The following TRMT13 variants were observed in gnomAD, a reference collection of about 807,000 sequenced individuals.
TRMT13 encodes tRNA:m(4)X modification enzyme TRM13 homolog.
In TRMT13, 45 loss-of-function variants were observed where a neutral mutation model predicts 55.9. That is an observed-to-expected ratio of 0.80 (90% confidence interval 0.63 to 1.03). The LOEUF is 1.03. TRMT13 is among the 50% of genes least tolerant of loss of function. The pLI is 0.00. For synonymous variants in TRMT13, 183 were observed against 196.3 expected (o/e 0.93, Z 0.57); for missense variants, 513 against 563.9 (o/e 0.91, Z 0.91).
intron 9 of TRMT13, among the ~76,000 whole-genome samples, chr1:100,147,296 C>T (rs951943307): frequency 1.3e-5 from 2 of 152,192 alleles, no homozygotes; most frequent in Non-Finnish European, 2.9e-5. Flanking sequence ...GTGCTTTGCA[C>T]ATGAAAGGCA....
At chr1:100,139,373 C>T (rs1656309812) in intron 3 of TRMT13, among the ~76,000 whole-genome samples, 1 of 152,198 alleles carries the variant, frequency 6.6e-6, no homozygotes, top group African/African-American at 2.4e-5. Context: ...TTTCTTTAAA[C>T]TGTAAGTGCT....
At chr1:100,146,949 A>G (rs1460822238) in intron 9 of TRMT13, among the ~76,000 whole-genome samples, 1 of 152,202 alleles carries the variant, frequency 6.6e-6, no homozygotes, top group African/African-American at 2.4e-5. Context: ...TGGGTTTCTA[A>G]TGTTTGTTGA....
intron 8 of TRMT13, 53 bp from the exon 9 acceptor site, chr1:100,144,016 A>C: frequency 1.4e-6 from 2 of 1,457,284 alleles, no homozygotes; most frequent in Admixed American, 1.7e-5. Context: ...TTGGAAGGCC[A>C]CATTAATATG....
chr1:100,140,762 A>G, intron 6 of TRMT13, 90 bp from the exon 7 acceptor site: 1 of 1,256,392 alleles, frequency 8.0e-7, no homozygotes, highest in South Asian at 1.4e-5. Context: ...ATGTAAGCAT[A>G]CTGCCTTATG....
intron 1 of TRMT13, among the ~76,000 whole-genome samples, chr1:100,134,841 G>A (rs906186459): frequency 1.3e-5 from 2 of 152,148 alleles, no homozygotes; most frequent in Non-Finnish European, 2.9e-5. Flanking sequence ...AAGAGAGACC[G>A]CAAAACATCA....
Position 100,149,464 on chromosome 1 carries a change from C to A in TRMT13, c.*644C>A. The A allele has an allele frequency of 1.3e-6, 2 of 1,528,534 alleles. No individual in the cohort carries two copies. The highest frequency in any genetic ancestry group is 1.3e-5 in the South Asian group (1 of 78,860). The allele number at this position is 1,528,534 out of a possible 1,614,324, so 94.7% of individuals were successfully genotyped here. Reference sequence around the variant, plus strand: ...TTTTCAAAGAAAAAAGATTATTTCACTTAATTATTTTGTTGGATAATTGTC... The same window carrying A: ...TTTTCAAAGAAAAAAGATTATTTCAATTAATTATTTTGTTGGATAATTGTC... On this transcript the variant is annotated 3_prime_UTR_variant, in exon 11 of 11. Coordinates refer to ENST00000370141, the MANE Select transcript of TRMT13 (RefSeq NM_019083.3).
intron 9 of TRMT13, among the ~76,000 whole-genome samples, chr1:100,145,354 G>A (rs1016001730): frequency 3.9e-5 from 6 of 152,054 alleles, no homozygotes; most frequent in East Asian, 1.9e-4. Flanking sequence ...GTTCCATCCC[G>A]GGGGTAGGAG....
chr1:100,140,466 T>C lies in TRMT13; in HGVS notation c.453T>C (p.Leu151=). 1 of 1,614,056 alleles carries C rather than the reference T, an allele frequency of 6.2e-7. No individual in the cohort carries two copies. The highest frequency in any genetic ancestry group is 8.5e-7 in the Non-Finnish European group (1 of 1,179,948). Residue 151 remains leucine (L), a synonymous_variant, in exon 6 of 11, where the codon CTT becomes CTC. Coordinates refer to ENST00000370141, the MANE Select transcript of TRMT13 (RefSeq NM_019083.3). ...IMSHPALHDA[L]NDPKNGDSAT... ...CCCATCCAGCATTACACGATGCACT[T>C]AATGACCCTAAAAATGGCGATTCTG... is the stretch of plus-strand genomic sequence containing the variant.
At chr1:100,135,632 C>G (rs923360763) in intron 1 of TRMT13, among the ~76,000 whole-genome samples, 1 of 152,102 alleles carries the variant, frequency 6.6e-6, no homozygotes, top group African/African-American at 2.4e-5. Context: ...AGGCAGTAAG[C>G]CTACCTAACT....
rs1342862498 is a variant in TRMT13, at chr1:100,133,172, G to C, written c.4G>C (p.Ala2Pro). The C allele has an allele frequency of 1.9e-5, 30 of 1,614,138 alleles. No homozygotes were observed. Among genetic ancestry groups the C allele is most frequent in the Non-Finnish European group, 2.5e-5 (29 of 1,180,016 alleles). Residue 2 changes from alanine to proline, a missense_variant, in exon 1 of 11, where the codon GCG becomes CCG. By Grantham distance (27) the Ala-to-Pro change is conservative (BLOSUM62 -1). This residue lies in a region of TRMT13 where 298 missense variants were observed against 290.3 expected (regional missense o/e 1.03). Transcript: ENST00000370141. ...ACCGGAAGCGAGCCCTAGAATTATG[G>C]CGACCTCCGCGACGTCGCCGCACGC... M[A>P]TSATSPHAPG...
chr1:100,137,418 G>A (rs1339416319), intron 3 of TRMT13, among the ~76,000 whole-genome samples: 5 of 151,942 alleles, frequency 3.3e-5, no homozygotes, highest in Non-Finnish European at 7.4e-5. Flanking sequence ...GGCTGGTCTC[G>A]AACTGCTGGT....
intron 9 of TRMT13, 26 bp from the exon 10 acceptor site, chr1:100,147,868 G>A (rs541324296): frequency 1.3e-6 from 2 of 1,555,842 alleles, no homozygotes; most frequent in Non-Finnish European, 1.7e-6. Context: ...ATGTGGTTTG[G>A]GGGGGCCACA....
Position 100,148,292 on chromosome 1 carries a change from A to G in TRMT13, c.1216A>G (p.Arg406Gly). The G allele has an allele frequency of 6.2e-7, 1 of 1,613,992 alleles. No homozygotes were observed. The highest frequency in any genetic ancestry group is 8.5e-7 in the Non-Finnish European group (1 of 1,179,914). The part of the protein sequence containing the change: ...DSEEHDDGGY[R>G]ITDDGADCLP... ...TGAAGAGCATGATGATGGAGGATAC[A>G]GAATCACAGATGATGGCGCTGATTG... The change falls in exon 10 of 11, where the codon AGA (arginine) becomes GGA (glycine). Residue 406 changes from arginine (R) to glycine (G), a missense_variant. Physicochemically the swap from Arg to Gly is moderately radical, Grantham distance 125. Around this residue, in one of 3 missense-constraint regions of TRMT13, gnomAD observed 209 missense variants for 255.8 expected, o/e 0.82. Coordinates refer to ENST00000370141, the MANE Select transcript of TRMT13 (RefSeq NM_019083.3).
intron 6 of TRMT13, 84 bp downstream of exon 6, chr1:100,140,598 T>C: frequency 4.4e-6 from 5 of 1,124,202 alleles, no homozygotes; most frequent in South Asian, 1.4e-5. Flanking sequence ...AATAAGATTT[T>C]ATTTTGTTTA....
intron 1 of TRMT13, among the ~76,000 whole-genome samples, 170 bp downstream of exon 1, chr1:100,133,485 T>A (rs966428319): frequency 2.0e-5 from 3 of 152,112 alleles, no homozygotes; most frequent in African/African-American, 7.2e-5. Flanking sequence ...GATTATGAGT[T>A]CTAGTGATGA....
In TRMT13 at chr1:100,149,611, A is replaced by C; in HGVS notation, c.*791A>C. ...TTTTTTATATATGTAGGCACAAACAATAAGTATGTTCTCTTCTGTTTGGGA... is the reference window on the plus strand; with the variant it reads ...TTTTTTATATATGTAGGCACAAACACTAAGTATGTTCTCTTCTGTTTGGGA... On this transcript the variant is annotated 3_prime_UTR_variant, in exon 11 of 11. Coordinates refer to ENST00000370141, the MANE Select transcript of TRMT13 (RefSeq NM_019083.3). 1.9e-6 allele frequency: 1 copy of C among 520,196 alleles called. No individual in the cohort carries two copies. The highest frequency in any genetic ancestry group is 3.3e-6 in the Non-Finnish European group (1 of 299,206). The allele number at this position is 520,196 out of a possible 1,614,324, so 32.2% of individuals were successfully genotyped here.
intron 1 of TRMT13, among the ~76,000 whole-genome samples, chr1:100,136,616 A>G (rs1447842144): frequency 6.6e-6 from 1 of 152,176 alleles, no homozygotes; most frequent in East Asian, 1.9e-4. Context: ...TAGATTTCAG[A>G]CACCATATGT....
chr1:100,148,137 T>C lies in TRMT13; in HGVS notation c.1061T>C (p.Leu354Pro). 1 of 1,614,214 alleles carries C rather than the reference T, an allele frequency of 6.2e-7. No individual in the cohort carries two copies. The highest frequency in any genetic ancestry group is 8.5e-7 in the Non-Finnish European group (1 of 1,180,028). The change falls in exon 10 of 11, where the codon CTA (leucine) becomes CCA (proline). Residue 354 changes from leucine to proline, a missense_variant. By Grantham distance (98) the Leu-to-Pro change is moderately conservative. Coordinates refer to ENST00000370141, the MANE Select transcript of TRMT13 (RefSeq NM_019083.3). Reference sequence around the variant, plus strand: ...GTGGGCAAAGAATATTTCAGGGCTCTAGGCCTTGGAGCAGTGGAATTCCAT... The same window carrying C: ...GTGGGCAAAGAATATTTCAGGGCTCCAGGCCTTGGAGCAGTGGAATTCCAT... ...HYVGKEYFRA[L>P]GLGAVEFHYF... is the part of the protein sequence containing the mutation.
Position 100,137,006 on chromosome 1 carries a change from T to G in TRMT13, c.195-13T>G. The G allele has an allele frequency of 6.2e-7, 1 of 1,604,378 alleles. No individual in the cohort carries two copies. The highest frequency in any genetic ancestry group is 8.5e-7 in the Non-Finnish European group (1 of 1,177,138). ...ACAAGTCTCATTTGAAATAATTTTC[T>G]CTTTAAATTTAGCACAGTATATGAA... On this transcript the variant is annotated splice_polypyrimidine_tract_variant and intron_variant, in intron 2 of 10. Coordinates refer to ENST00000370141, the MANE Select transcript of TRMT13 (RefSeq NM_019083.3).
Sources: gnomAD v4.1 joint callset for allele counts (sites outside exome capture counted in the v4.1 genomes callset) on GRCh38, gnomAD v4.1.1 for gene constraint, gnomAD v4.1.1 regional missense constraint, MANE v1.5 for transcripts, NCBI Gene and HGNC (gene_info 2026-07-23, HGNC 2026-07-21) for gene names.